Variants in BRCA1 observed in about 807,000 individuals in gnomAD.
BRCA1 encodes breast cancer type 1 susceptibility protein.
In BRCA1, 140 loss-of-function variants were observed where a neutral mutation model predicts 173.7. The ratio of observed to expected loss-of-function variants is 0.81; its 90% CI spans 0.70 to 0.93. The LOEUF (loss-of-function observed/expected upper bound fraction) is 0.93. Among genes scored for constraint, BRCA1 ranks in the 40% least tolerant of loss-of-function variants. The pLI is 0.00. For missense variants in BRCA1, 1,983 were observed against 2,172.5 expected, an observed-to-expected ratio of 0.91 and a Z score of 1.73; for synonymous variants, 662 against 756.0, an observed-to-expected ratio of 0.88 and a Z score of 2.04.
At position 43,045,145 on chromosome 17, in the gene BRCA1, C is replaced by A. The variant is rs1261801977; in HGVS notation, c.*533G>T. On this transcript the variant is annotated 3_prime_UTR_variant, in exon 23 of 23. Transcript: ENST00000357654. ...ATTTCTAATACCTGCCTCAGAATTT[C>A]CTCCCCAATGTTCCACTCCAACATT... 7.5e-6 allele frequency: 4 copies of A among 534,864 alleles called. No homozygotes were observed. Among genetic ancestry groups the A allele is most frequent in the African/African-American group, 7.4e-5 (4 of 53,870 alleles). The allele number at this position is 534,864 out of a possible 1,614,324, so 33.1% of individuals were successfully genotyped here. A position where few individuals can be genotyped will look rare whatever the true frequency, so the allele number is the denominator to read the frequency against.
rs1567807470 is a variant in BRCA1 at position 43,100,654 on chromosome 17, TA to T, written c.442-775del. ...ATGTTATATATATATAACATATATA[TA>T]ACATATATATATATATATATATAAT... On this transcript the variant is annotated intron_variant, in intron 6 of 22. Coordinates refer to ENST00000357654, the MANE Select transcript of BRCA1 (RefSeq NM_007294.4). Among the ~76,000 whole-genome samples the T allele has an allele frequency of 7.3e-3, 310 of 42,382 alleles. 9 individuals are homozygous for T. Among genetic ancestry groups the T allele is most frequent in the South Asian group, 0.029 (30 of 1,038 alleles). The allele number at this position is 42,382 out of a possible 152,430, so 27.8% of individuals were successfully genotyped here.
At chr17:43,108,849 C>T (rs1035178359) in intron 3 of BRCA1, among the ~76,000 whole-genome samples, 3 of 151,730 alleles carry the variant, frequency 2.0e-5, no homozygotes, top group Non-Finnish European at 4.4e-5. Flanking sequence ...AAAAATTAGC[C>T]GGGCATGGTG....
chr17:43,163,957 A>G (rs2056251680), intron 1 of BRCA1: 1 of 152,266 alleles, frequency 6.6e-6, no homozygotes, highest in African/African-American at 2.4e-5. Context: ...AGGCTGTAGA[A>G]TCCTGGAAAA....
At chr17:43,158,655 T>C (rs1161581468) in intron 1 of BRCA1, among the ~76,000 whole-genome samples, 4 of 152,216 alleles carry the variant, frequency 2.6e-5, no homozygotes, top group Non-Finnish European at 5.9e-5. Context: ...ACTAATGTAG[T>C]TTATTATTTA....
intron 13 of BRCA1, 35 bp from the exon 14 acceptor site, chr17:43,074,556 A>T (rs1470233099): frequency 6.4e-7 from 1 of 1,572,122 alleles, no homozygotes; most frequent in Non-Finnish European, 8.7e-7. Flanking sequence ...AACCATCGCC[A>T]CCAATTGTGA....
intron 1 of BRCA1, among the ~76,000 whole-genome samples, chr17:43,139,157 G>A (rs1328584920): frequency 6.6e-6 from 1 of 150,400 alleles, no homozygotes; most frequent in African/African-American, 2.4e-5. Context: ...CCTGAAAGAT[G>A]GGGGTGCTAG....
intron 11 of BRCA1, among the ~76,000 whole-genome samples, chr17:43,084,705 A>C (rs1280229478): frequency 6.6e-6 from 1 of 152,152 alleles, no homozygotes; most frequent in Non-Finnish European, 1.5e-5. Flanking sequence ...AAAGGTTTCT[A>C]CTGCTACTCT....
chr17:43,093,568 A>T lies in BRCA1; in HGVS notation c.1963T>A (p.Tyr655Asn). The change falls in exon 10 of 23, where the codon TAC becomes AAC. Residue 655 changes from tyrosine (Y) to asparagine (N), a missense_variant. Physicochemically the swap from Tyr to Asn is moderately radical, Grantham distance 143. Transcript: ENST00000357654. ...SSSEEIKKKKYNQMPVRHSRN... is the reference protein window; with the variant it reads ...SSSEEIKKKKNNQMPVRHSRN... The stretch of plus-strand genomic sequence containing the variant: ...CTGTGCCTGACTGGCATTTGGTTGT[A>T]CTTTTTTTTCTTTATCTCTTCACTG... 6.2e-7 allele frequency: 1 copy of T among 1,613,820 alleles called. No homozygotes were observed. The highest frequency in any genetic ancestry group is 8.5e-7 in the Non-Finnish European group (1 of 1,179,956).
chr17:43,161,081 C>G (rs1273070471), intron 1 of BRCA1: 6 of 152,202 alleles, frequency 3.9e-5, no homozygotes, highest in African/African-American at 9.6e-5. Context: ...CCTTGGTTAT[C>G]TATGTGTAGG....
chr17:43,061,308 A>T (rs540411088), intron 18 of BRCA1, among the ~76,000 whole-genome samples: 5 of 152,282 alleles, frequency 3.3e-5, no homozygotes, highest in Middle Eastern at 3.4e-3. Context: ...AAACGAAAGT[A>T]ATCAACAACC....
In BRCA1 at chr17:43,090,974, T is replaced by G. The variant is rs1057520245; in HGVS notation, c.4155A>C (p.Leu1385=). ...TGGTTAAAATGTCACTCTGAGAGGATAGCCCTGAGCAGTCTTCAGAGACGC... is the reference window on the plus strand; with the variant it reads ...TGGTTAAAATGTCACTCTGAGAGGAGAGCCCTGAGCAGTCTTCAGAGACGC... ...ETSVSEDCSG[L]SSQSDILTTQ... The change falls in exon 11 of 23, where the codon CTA becomes CTC. Residue 1385 remains leucine, a synonymous_variant. Coordinates refer to ENST00000357654, the MANE Select transcript of BRCA1 (RefSeq NM_007294.4). 1.2e-6 allele frequency: 2 copies of G among 1,612,560 alleles called. No homozygotes were observed. The highest frequency in any genetic ancestry group is 1.7e-6 in the Non-Finnish European group (2 of 1,179,410).
chr17:43,145,767 GGTT>G (rs2056118008), intron 1 of BRCA1, among the ~76,000 whole-genome samples: 1 of 151,966 alleles, frequency 6.6e-6, no homozygotes, highest in South Asian at 2.1e-4. Flanking sequence ...ATCATTTGCT[GGTT>G]GTTTATTTTT....
Position 43,091,800 on chromosome 17 carries a change from T to A in BRCA1, c.3731A>T (p.His1244Leu), listed in dbSNP as rs2154292030. The A allele has an allele frequency of 6.2e-7, 1 of 1,614,212 alleles. No homozygotes were observed. Among genetic ancestry groups the A allele is most frequent in the Non-Finnish European group, 8.5e-7 (1 of 1,180,034 alleles). The change falls in exon 10 of 23, where the codon CAT (histidine) becomes CTT (leucine). Residue 1244 changes from histidine to leucine, a missense_variant. Physicochemically the swap from His to Leu is moderately conservative, Grantham distance 99. Coordinates refer to ENST00000357654, the MANE Select transcript of BRCA1 (RefSeq NM_007294.4). ...CAGACACTCGGTAGCAACGGTGCTA[T>A]GCCTAGTAGACTGAGAAGGTATATT... ...VNNIPSQSTR[H>L]STVATECLSK...
intron 1 of BRCA1, among the ~76,000 whole-genome samples, chr17:43,157,759 G>A (rs1442907004): frequency 6.6e-6 from 1 of 151,982 alleles, no homozygotes; most frequent in Middle Eastern, 3.4e-3. Context: ...CACTTTGGGA[G>A]GCCGAGGCAG....
chr17:43,051,226 C>CT (rs2051223611), intron 19 of BRCA1, 109 bp from the exon 20 acceptor site: 1 of 1,067,516 alleles, frequency 9.4e-7, no homozygotes, highest in Admixed American at 1.9e-5. Context: ...AAAGGAAGAG[C>CT]TTTTCTTTTT....
At chr17:43,083,177 T>C (rs1367865443) in intron 11 of BRCA1, among the ~76,000 whole-genome samples, 1 of 151,638 alleles carries the variant, frequency 6.6e-6, no homozygotes, top group Non-Finnish European at 1.5e-5. Flanking sequence ...TTTCTTTCTT[T>C]CTTTTTTTTT....
intron 1 of BRCA1, chr17:43,166,931 C>T (rs1322467432): frequency 6.6e-6 from 1 of 152,190 alleles, no homozygotes; most frequent in East Asian, 1.9e-4. Flanking sequence ...GGTGATCAGG[C>T]CATGCTTCCA....
intron 2 of BRCA1, among the ~76,000 whole-genome samples, chr17:43,116,191 CT>C (rs8176097): frequency 6.6e-6 from 1 of 151,616 alleles, no homozygotes; most frequent in Non-Finnish European, 1.5e-5. Flanking sequence ...CTTCCTAGAA[CT>C]TTTTTTTGTT....
chr17:43,097,179 C>T (rs920856985), intron 8 of BRCA1, 65 bp downstream of exon 8: 22 of 1,442,022 alleles, frequency 1.5e-5, no homozygotes, highest in Non-Finnish European at 1.9e-5. Flanking sequence ...AGAGAAACAT[C>T]AATCCTTAAT....
Sources: allele counts gnomAD v4.1 joint callset (sites outside exome capture counted in the v4.1 genomes callset), GRCh38; gene constraint gnomAD v4.1.1; transcripts MANE v1.5; gene names NCBI Gene and HGNC (gene_info 2026-07-23, HGNC 2026-07-21).